The following ARHGEF3 variants were observed in gnomAD, a reference collection of about 807,000 sequenced individuals.
The protein encoded by ARHGEF3 is 59.8 kDA protein.
A neutral mutation model predicts 63.2 loss-of-function variants in ARHGEF3; 28 were observed. The ratio of observed to expected loss-of-function variants is 0.44; its 90% CI spans 0.33 to 0.61. The LOEUF is 0.61. Among genes scored for constraint, ARHGEF3 ranks in the 20% least tolerant of loss-of-function variants. The pLI, the probability that ARHGEF3 is intolerant of heterozygous loss-of-function variation, is 0.03. For missense variants in ARHGEF3, 533 were observed against 659.3 expected (o/e 0.81, Z 2.10); for synonymous variants, 266 against 254.2 (o/e 1.05, Z -0.44).
At position 57,045,009 on chromosome 3, in the gene ARHGEF3, G is replaced by C. The variant is rs1212037530; in HGVS notation, c.-27-9833C>G. Among the ~76,000 whole-genome samples the C allele has an allele frequency of 3.3e-5, 5 of 152,226 alleles. No individual in the cohort carries two copies. In the South Asian group the frequency reaches 8.3e-4, roughly 25 times the overall value. On this transcript the variant is annotated intron_variant, in intron 1 of 12. Coordinates refer to the ARHGEF3 transcript ENST00000338458. ...TGGCCGGACGTGGTGGCTCACACCT[G>C]TAATCCGAGCACTCTGGGAAGCCGA...
chr3:57,073,934 G>A, intron 1 of ARHGEF3: 1 of 1,614,202 alleles, frequency 6.2e-7, no homozygotes, highest in Non-Finnish European at 8.5e-7. Context: ...GCCAAAGTGA[G>A]ACCTGTCAGA....
chr3:56,798,449 C>G (rs992723180), intron 1 of ARHGEF3, among the ~76,000 whole-genome samples: 1 of 151,830 alleles, frequency 6.6e-6, no homozygotes, highest in African/African-American at 2.4e-5. Context: ...TGAACTGGAC[C>G]TAAAACTCTT....
chr3:57,034,024 A>C (rs182454034), intron 2 of ARHGEF3, among the ~76,000 whole-genome samples: 5 of 152,194 alleles, frequency 3.3e-5, no homozygotes, highest in Admixed American at 6.5e-5. Flanking sequence ...TAGCCTGGGC[A>C]ACAGAGCAAA....
rs533155839 is a variant in ARHGEF3, at chr3:57,028,243, G to A, written c.62+6845C>T. On this transcript the variant is annotated intron_variant, in intron 2 of 12. Coordinates refer to the ARHGEF3 transcript ENST00000338458. The stretch of plus-strand genomic sequence containing the variant: ...TGCTGCTATAAAGACACATGCACAC[G>A]TATGTTTATTGCAGCATTATTCACA... Among the ~76,000 whole-genome samples, 209 of 130,452 alleles carry A rather than the reference G, an allele frequency of 1.6e-3. 2 individuals carry two copies. Among genetic ancestry groups the A allele is most frequent in the Middle Eastern group, 7.1e-3 (2 of 280 alleles). 85.6% of individuals were successfully genotyped at this position (130,452 alleles called of 152,430 possible).
intron 2 of ARHGEF3, among the ~76,000 whole-genome samples, chr3:57,013,312 C>T (rs143451422): frequency 3.3e-5 from 5 of 152,234 alleles, no homozygotes; most frequent in African/African-American, 9.6e-5. Flanking sequence ...ATCCACTAGG[C>T]GAAGCCAGCT....
intron 3 of ARHGEF3, among the ~76,000 whole-genome samples, chr3:56,946,343 A>G (rs1699497130): frequency 6.6e-6 from 1 of 152,344 alleles, no homozygotes; most frequent in Middle Eastern, 3.4e-3. Context: ...CTAAAGGAGG[A>G]AGTTCAAACC....
In ARHGEF3 at chr3:56,867,479, A is replaced by T. The variant is rs192689306; in HGVS notation, c.192+14813T>A. Reference sequence around the variant, plus strand: ...ATGCTATTTATTTATTTATTTATTTATTTATTTTTTTGAGACAAGGTCTTG... The same window carrying T: ...ATGCTATTTATTTATTTATTTATTTTTTTATTTTTTTGAGACAAGGTCTTG... On this transcript the variant is annotated intron_variant, in intron 4 of 12. Coordinates refer to the ARHGEF3 transcript ENST00000338458. 2.6e-3 allele frequency among the ~76,000 whole-genome samples: 381 copies of T among 149,174 alleles called. 2 individuals carry two copies. Among genetic ancestry groups the T allele is most frequent in the African/African-American group, 9.2e-3 (359 of 38,892 alleles).
At chr3:56,935,393 A>C (rs1250365425) in intron 3 of ARHGEF3, among the ~76,000 whole-genome samples, 1 of 152,210 alleles carries the variant, frequency 6.6e-6, no homozygotes, top group Non-Finnish European at 1.5e-5. Flanking sequence ...AGAGAATAAA[A>C]GCAGGCTGCC....
chr3:57,019,968 G>A (rs1024146725), intron 2 of ARHGEF3, among the ~76,000 whole-genome samples: 10 of 152,068 alleles, frequency 6.6e-5, no homozygotes, highest in African/African-American at 1.9e-4. Context: ...GTGCAATCTC[G>A]GCTCACTGCA....
chr3:56,977,842 G>C (rs1387884867), intron 2 of ARHGEF3, among the ~76,000 whole-genome samples: 1 of 152,156 alleles, frequency 6.6e-6, no homozygotes, highest in African/African-American at 2.4e-5. Flanking sequence ...GCTGTTGTGA[G>C]GTTTAAGTAA....
intron 4 of ARHGEF3, among the ~76,000 whole-genome samples, chr3:56,823,143 A>T (rs1482202392): frequency 6.6e-6 from 1 of 152,160 alleles, no homozygotes; most frequent in African/African-American, 2.4e-5. Flanking sequence ...CCTACTTTTG[A>T]TCAGGAAGCA....
intron 3 of ARHGEF3, among the ~76,000 whole-genome samples, chr3:56,942,847 T>C (rs779657008): frequency 2.4e-4 from 37 of 152,282 alleles, no homozygotes; most frequent in Non-Finnish European, 4.9e-4. Context: ...TTGAGTGGTG[T>C]GGATAAAAGA....
intron 3 of ARHGEF3, among the ~76,000 whole-genome samples, chr3:56,942,107 G>A (rs982330728): frequency 6.6e-6 from 1 of 152,198 alleles, no homozygotes; most frequent in Non-Finnish European, 1.5e-5. Flanking sequence ...AAAGTACTAG[G>A]AGCAGTAGCT....
intron 2 of ARHGEF3, among the ~76,000 whole-genome samples, chr3:56,965,442 G>GTTTA (rs979972662): frequency 6.6e-6 from 1 of 152,044 alleles, no homozygotes; most frequent in African/African-American, 2.4e-5. Context: ...GCCCCAGACA[G>GTTTA]TTTAACTAAT....
chr3:56,954,280 T>C (rs1177323251), intron 3 of ARHGEF3, among the ~76,000 whole-genome samples: 1 of 152,182 alleles, frequency 6.6e-6, no homozygotes, highest in Non-Finnish European at 1.5e-5. Context: ...TTCACAGCTC[T>C]AGGGTGTGTG....
rs568010463 is a variant in ARHGEF3 at position 57,011,942 on chromosome 3, A to G, written c.62+23146T>C. Among the ~76,000 whole-genome samples, 3 of 152,276 alleles carry G rather than the reference A, an allele frequency of 2.0e-5. No homozygotes were observed. In the East Asian group the frequency reaches 5.8e-4, roughly 29 times the overall value. Reference sequence around the variant, plus strand: ...AAGCGGTGGGGTCTGGTTAGGTGGAAGAATGGTCAGCACTGACTGGCCCTG... The same window carrying G: ...AAGCGGTGGGGTCTGGTTAGGTGGAGGAATGGTCAGCACTGACTGGCCCTG... On this transcript the variant is annotated intron_variant, in intron 2 of 12. Transcript: ENST00000338458.
At chr3:57,010,455 CAAAAA>C (rs35833729) in intron 2 of ARHGEF3, among the ~76,000 whole-genome samples, 2 of 50,982 alleles carry the variant, frequency 3.9e-5, no homozygotes, top group African/African-American at 6.8e-5. Context: ...GACTCCATCT[CAAAAA>C]AAAAAAAAAA....
chr3:56,907,204 C>G (rs1214534741), intron 3 of ARHGEF3, among the ~76,000 whole-genome samples: 10 of 152,066 alleles, frequency 6.6e-5, no homozygotes, highest in Non-Finnish European at 1.3e-4. Flanking sequence ...TGGTCTCAAT[C>G]TCCTGACCTC....
At chr3:56,896,296 G>A (rs4681711) in intron 3 of ARHGEF3, among the ~76,000 whole-genome samples, 122,084 of 152,076 alleles carry the variant, frequency 0.8, 49,516 homozygotes, top group African/African-American at 0.87. Context: ...CTTTCTATAC[G>A]TATGAATATA....
Sources: allele counts gnomAD v4.1 joint callset (sites outside exome capture counted in the v4.1 genomes callset), GRCh38; gene constraint gnomAD v4.1.1; transcripts MANE v1.5; gene names NCBI Gene and HGNC (gene_info 2026-07-23, HGNC 2026-07-21).